SYNDIG1: variants seen among roughly 807,000 people sequenced by gnomAD.
The protein encoded by SYNDIG1 is synapse differentiation-inducing gene protein 1.
A neutral mutation model predicts 19.4 loss-of-function variants in SYNDIG1; 9 were observed. The observed-to-expected ratio is 0.46, with a 90% CI of 0.28 to 0.81. The LOEUF (loss-of-function observed/expected upper bound fraction) is 0.81. Ranked by LOEUF, SYNDIG1 falls within the 30% of genes least tolerant of loss-of-function variation. The pLI is 0.12. For synonymous variants in SYNDIG1, 141 were observed against 145.9 expected, an observed-to-expected ratio of 0.97 and a Z score of 0.24; for missense variants, 311 against 343.3, an observed-to-expected ratio of 0.91 and a Z score of 0.74.
At chr20:24,624,444 A>C (rs1568694216) in intron 3 of SYNDIG1, among the ~76,000 whole-genome samples, 3 of 152,218 alleles carry the variant, frequency 2.0e-5, no homozygotes. Flanking sequence ...AAAGATTATC[A>C]TAGATAAGGA....
chr20:24,517,255 C>G (rs1439360943), intron 1 of SYNDIG1, among the ~76,000 whole-genome samples: 1 of 150,500 alleles, frequency 6.6e-6, no homozygotes, highest in Non-Finnish European at 1.5e-5. Flanking sequence ...ACATATGTAA[C>G]AAACCTGCAC....
chr20:24,600,944 C>G (rs533606545), intron 3 of SYNDIG1, among the ~76,000 whole-genome samples: 8 of 152,156 alleles, frequency 5.3e-5, no homozygotes, highest in Non-Finnish European at 1.2e-4. Flanking sequence ...ACTGCACTTG[C>G]AAAGCCACAT....
chr20:24,618,876 T>G (rs545485721), intron 3 of SYNDIG1, among the ~76,000 whole-genome samples: 1 of 152,322 alleles, frequency 6.6e-6, no homozygotes, highest in South Asian at 2.1e-4. Flanking sequence ...TTCAGATATG[T>G]AACTGCTGTA....
chr20:24,543,241 C>T lies in SYNDIG1; in HGVS notation c.144C>T (p.Tyr48=). 3 of 1,613,824 alleles carry T rather than the reference C, an allele frequency of 1.9e-6. No homozygotes were observed. In the South Asian group the frequency reaches 3.3e-5, roughly 18 times the overall value. Residue 48 remains tyrosine (Y), a synonymous_variant, in exon 2 of 4, where the codon TAC becomes TAT. Coordinates refer to ENST00000376862, the MANE Select transcript of SYNDIG1 (RefSeq NM_024893.3). The part of the protein sequence containing the change: ...GLVSVYPAPQ[Y]QSHRVGASTV... Reference sequence around the variant, plus strand: ...TGTCTGTTTACCCAGCGCCCCAGTACCAGAGCCACCGGGTGGGGGCCAGCA... The same window carrying T: ...TGTCTGTTTACCCAGCGCCCCAGTATCAGAGCCACCGGGTGGGGGCCAGCA...
At chr20:24,510,922 ATTCCAGTTCAAGTCCCTC>A (rs1317688137) in intron 1 of SYNDIG1, among the ~76,000 whole-genome samples, 11 of 152,154 alleles carry the variant, frequency 7.2e-5, no homozygotes, top group Non-Finnish European at 1.6e-4. Context: ...TCAGTTCCAT[ATTCCAGTTCAAGTCCCTC>A]ATCAGATATT....
intron 3 of SYNDIG1, among the ~76,000 whole-genome samples, chr20:24,634,450 A>G (rs1219683136): frequency 2.0e-5 from 3 of 152,252 alleles, no homozygotes; most frequent in African/African-American, 7.2e-5. Context: ...ATTTAGCTAC[A>G]TACTGTAACT....
intron 3 of SYNDIG1, among the ~76,000 whole-genome samples, chr20:24,662,000 A>G (rs970444738): frequency 1.4e-4 from 21 of 152,118 alleles, no homozygotes; most frequent in Non-Finnish European, 2.1e-4. Flanking sequence ...GTCATTTCTC[A>G]TCACGAAGCC....
At chr20:24,578,902 G>A (rs536601403) in intron 2 of SYNDIG1, among the ~76,000 whole-genome samples, 108 of 152,328 alleles carry the variant, frequency 7.1e-4, no homozygotes, top group African/African-American at 2.4e-3. Context: ...TAAAGGCCAC[G>A]AGCTCCCTGG....
intron 2 of SYNDIG1, among the ~76,000 whole-genome samples, chr20:24,546,743 G>A (rs1360080848): frequency 6.6e-6 from 1 of 152,066 alleles, no homozygotes; most frequent in East Asian, 1.9e-4. Context: ...TTGGGTGCCA[G>A]TACTGCAACC....
At chr20:24,599,501 G>T (rs1210861238) in intron 3 of SYNDIG1, among the ~76,000 whole-genome samples, 1 of 151,924 alleles carries the variant, frequency 6.6e-6, no homozygotes, top group African/African-American at 2.4e-5. Flanking sequence ...CAAAGAAAAA[G>T]GAATAATTAT....
intron 2 of SYNDIG1, among the ~76,000 whole-genome samples, chr20:24,569,787 G>T (rs2058111040): frequency 6.6e-6 from 1 of 152,176 alleles, no homozygotes; most frequent in Non-Finnish European, 1.5e-5. Context: ...CTCTGACATG[G>T]ATCAGAAAAG....
intron 3 of SYNDIG1, among the ~76,000 whole-genome samples, chr20:24,605,045 A>G (rs1481583311): frequency 6.6e-6 from 1 of 152,162 alleles, no homozygotes; most frequent in East Asian, 1.9e-4. Flanking sequence ...ATCCAAGGTC[A>G]TGGGCAGGTA....
In SYNDIG1 at chr20:24,666,288, G is replaced by A. The variant is rs2059646523; in HGVS notation, c.*784G>A. On this transcript the variant is annotated 3_prime_UTR_variant, in exon 4 of 4. Coordinates refer to ENST00000376862, the MANE Select transcript of SYNDIG1 (RefSeq NM_024893.3). ...CCCCGCGGTTGCTCCGGAAACTCGA[G>A]GCACTGCAGCTATGGGCACTGCCTC... 1 of 152,664 alleles carries A rather than the reference G, an allele frequency of 6.6e-6. No homozygotes were observed. Among genetic ancestry groups the A allele is most frequent in the Non-Finnish European group, 1.5e-5 (1 of 68,072 alleles). 9.5% of individuals were successfully genotyped at this position (152,664 alleles called of 1,614,324 possible).
chr20:24,629,295 G>C (rs1454725587), intron 3 of SYNDIG1, among the ~76,000 whole-genome samples: 5 of 152,120 alleles, frequency 3.3e-5, no homozygotes, highest in African/African-American at 1.2e-4. Flanking sequence ...GGGGTTCTCA[G>C]ATGGGTCTTG....
At chr20:24,509,261 G>C (rs1250668044) in intron 1 of SYNDIG1, among the ~76,000 whole-genome samples, 1 of 152,194 alleles carries the variant, frequency 6.6e-6, no homozygotes, top group Non-Finnish European at 1.5e-5. Context: ...TAATTCTGGA[G>C]CTCCAGTTTC....
intron 3 of SYNDIG1, among the ~76,000 whole-genome samples, chr20:24,644,065 G>A (rs114704729): frequency 7.4e-4 from 112 of 152,320 alleles, no homozygotes; most frequent in African/African-American, 1.9e-3. Context: ...CTAGCTACAC[G>A]CAAACACCCA....
intron 3 of SYNDIG1, among the ~76,000 whole-genome samples, chr20:24,644,844 C>G (rs1462158650): frequency 2.0e-5 from 3 of 152,198 alleles, no homozygotes; most frequent in African/African-American, 4.8e-5. Flanking sequence ...AACAATAGAT[C>G]ACCAGAACAC....
At chr20:24,579,913 G>T (rs1209182404) in intron 2 of SYNDIG1, among the ~76,000 whole-genome samples, 3 of 152,184 alleles carry the variant, frequency 2.0e-5, no homozygotes, top group Non-Finnish European at 4.4e-5. Context: ...CATGCCCTGC[G>T]CTATGATTAT....
intron 1 of SYNDIG1, among the ~76,000 whole-genome samples, chr20:24,486,355 G>C (rs534111756): frequency 1.3e-5 from 2 of 152,358 alleles, no homozygotes; most frequent in African/African-American, 4.8e-5. Flanking sequence ...ACTTTGAATA[G>C]CACAGGTCCA....
Sources: gnomAD v4.1 joint callset for allele counts (sites outside exome capture counted in the v4.1 genomes callset) on GRCh38, gnomAD v4.1.1 for gene constraint, MANE v1.5 for transcripts, NCBI Gene and HGNC (gene_info 2026-07-23, HGNC 2026-07-21) for gene names.